The following TRAPPC12 variants were observed in gnomAD, a reference collection of about 807,000 sequenced individuals.
TRAPPC12 encodes the protein trafficking protein particle complex subunit 12, also known as TPR repeat protein 15.
TRAPPC12 carries 61 observed loss-of-function variants against 69.2 expected under a neutral mutation model. That is an observed-to-expected ratio of 0.88 (90% CI 0.72 to 1.09). The LOEUF (loss-of-function observed/expected upper bound fraction) is 1.09, where lower values mean the gene tolerates loss of function less well. Ranked by LOEUF, TRAPPC12 falls within the 50% of genes least tolerant of loss-of-function variation. TRAPPC12 has a pLI of 0.00. For missense variants in TRAPPC12, 1,101 were observed against 1,016.4 expected (o/e 1.08, Z -1.13); for synonymous variants, 469 against 438.9 (o/e 1.07, Z -0.86).
chr2:3,460,020 G>A, intron 7 of TRAPPC12: 1 of 604,422 alleles, frequency 1.7e-6, no homozygotes, highest in Non-Finnish European at 3.0e-6. Flanking sequence ...ATGCTGAGCA[G>A]CCACCCTCCT....
chr2:3,388,670 G>A lies in TRAPPC12; in HGVS notation c.1047G>A (p.Gln349=). ...TMPGLRFDNI[Q]GDAVKDLMLR... is the part of the protein sequence containing the mutation. ...CGGGCCTCAGGTTCGACAACATCCAGGTGAGCCCGGGTCTCCCACCTCCGC... is the reference window on the plus strand; with the variant it reads ...CGGGCCTCAGGTTCGACAACATCCAAGTGAGCCCGGGTCTCCCACCTCCGC... Residue 349 remains glutamine, a splice_region_variant and synonymous_variant, in exon 2 of 12, where the codon CAG becomes CAA. Coordinates refer to ENST00000324266, the MANE Select transcript of TRAPPC12 (RefSeq NM_016030.6). 6.5e-7 allele frequency: 1 copy of A among 1,539,698 alleles called. No individual in the cohort carries two copies.
intron 3 of TRAPPC12, among the ~76,000 whole-genome samples, chr2:3,420,358 CTAGG>C (rs1662707847): frequency 1.4e-5 from 2 of 139,136 alleles, no homozygotes; most frequent in South Asian, 4.3e-4. Flanking sequence ...TAGAGTTTCA[CTAGG>C]CACGCACACG....
chr2:3,457,984 C>T (rs935347689), intron 7 of TRAPPC12: 46 of 1,258,412 alleles, frequency 3.7e-5, no homozygotes, highest in East Asian at 1.8e-4. Flanking sequence ...TCTGAGTGGG[C>T]GCGAGGAAGG....
chr2:3,448,872 C>T (rs1249130848), intron 6 of TRAPPC12, among the ~76,000 whole-genome samples: 5 of 152,014 alleles, frequency 3.3e-5, no homozygotes, highest in Non-Finnish European at 7.4e-5. Flanking sequence ...AGGGGGCCGA[C>T]TTCCCCTGTG....
chr2:3,422,494 A>AG (rs1357023435), intron 4 of TRAPPC12, among the ~76,000 whole-genome samples: 1 of 152,276 alleles, frequency 6.6e-6, no homozygotes, highest in Non-Finnish European at 1.5e-5. Flanking sequence ...TCTGAGAAGA[A>AG]GGAACAGCTG....
At chr2:3,437,505 G>A (rs111214962) in intron 5 of TRAPPC12, among the ~76,000 whole-genome samples, 1 of 30,672 alleles carries the variant, frequency 3.3e-5, no homozygotes, top group Non-Finnish European at 6.5e-5. Context: ...ATCACCCCTG[G>A]ATTAATACCC....
chr2:3,407,238 C>G (rs1661780917), intron 3 of TRAPPC12, among the ~76,000 whole-genome samples: 1 of 152,066 alleles, frequency 6.6e-6, no homozygotes, highest in East Asian at 1.9e-4. Flanking sequence ...TATGTACATG[C>G]CATTAGTTAC....
intron 9 of TRAPPC12, among the ~76,000 whole-genome samples, chr2:3,471,022 T>C (rs1459029992): frequency 6.6e-6 from 1 of 152,182 alleles, no homozygotes; most frequent in African/African-American, 2.4e-5. Flanking sequence ...CTCTGAAATA[T>C]GCGAGCTAAA....
intron 3 of TRAPPC12, among the ~76,000 whole-genome samples, chr2:3,413,425 C>G (rs1290095722): frequency 6.6e-6 from 1 of 152,180 alleles, no homozygotes; most frequent in Non-Finnish European, 1.5e-5. Flanking sequence ...TCGGCCAGTT[C>G]CGTAGCACCA....
intron 2 of TRAPPC12, chr2:3,389,838 C>T (rs1234605692): frequency 1.1e-5 from 5 of 466,906 alleles, no homozygotes; most frequent in Non-Finnish European, 1.8e-5. Flanking sequence ...AGAGGGGAGG[C>T]GAGGGTGGTC....
chr2:3,431,441 T>A (rs187778706), intron 5 of TRAPPC12, among the ~76,000 whole-genome samples: 52 of 152,342 alleles, frequency 3.4e-4, no homozygotes, highest in African/African-American at 1.3e-3. Context: ...CTAAAAGTAT[T>A]TTTGTTTTTG....
At chr2:3,394,165 T>C (rs1322998031) in intron 2 of TRAPPC12, among the ~76,000 whole-genome samples, 6 of 152,144 alleles carry the variant, frequency 3.9e-5, no homozygotes, top group Non-Finnish European at 8.8e-5. Flanking sequence ...GCTGGAGAGC[T>C]CTGCAGTATT....
rs558778410 is a variant in TRAPPC12, at chr2:3,458,158, C to A, written c.1603+465C>A. 3.6e-5 allele frequency: 36 copies of A among 1,010,046 alleles called. No homozygotes were observed. In the South Asian group the frequency reaches 8.5e-4, roughly 24 times the overall value. 62.6% of individuals were successfully genotyped at this position (1,010,046 alleles called of 1,614,324 possible). A position where few individuals can be genotyped will look rare whatever the true frequency, so the allele number is the denominator to read the frequency against. ...CCTGGGGCAGGCTGAGGGACCTGGG[C>A]AGTTCCCTGGAGCATTGGAAACCCC... is the stretch of plus-strand genomic sequence containing the variant. On this transcript the variant is annotated intron_variant, in intron 7 of 11. Coordinates refer to ENST00000324266, the MANE Select transcript of TRAPPC12 (RefSeq NM_016030.6).
rs753417333 is a variant in TRAPPC12 at position 3,387,762 on chromosome 2, G to A, written c.139G>A (p.Glu47Lys). 2 of 1,612,798 alleles carry A rather than the reference G, an allele frequency of 1.2e-6. No homozygotes were observed. The highest frequency in any genetic ancestry group is 1.6e-4 in the Middle Eastern group (1 of 6,062). The stretch of plus-strand genomic sequence containing the variant: ...TGGCGGAGATGAGTTTGGATCCGAA[G>A]AGAACGAGACCGCATCGGAAGGCTC... Reference protein sequence around the residue: ...DLGGDEFGSEENETASEGSSP... With the variant: ...DLGGDEFGSEKNETASEGSSP... Residue 47 changes from glutamate to lysine, a missense_variant, in exon 2 of 12, where the codon GAG becomes AAG. Physicochemically the swap from Glu to Lys is moderately conservative, Grantham distance 56. Transcript: ENST00000324266.
chr2:3,389,792 G>A (rs1011496904), intron 2 of TRAPPC12: 3 of 435,916 alleles, frequency 6.9e-6, no homozygotes, highest in Non-Finnish European at 1.4e-5. Context: ...GAGGAGGGCG[G>A]ACGAGTTTTA....
chr2:3,474,690 G>A (rs535046176), intron 9 of TRAPPC12, among the ~76,000 whole-genome samples: 8 of 152,282 alleles, frequency 5.3e-5, no homozygotes, highest in Non-Finnish European at 1.0e-4. Context: ...CATCTCAAAA[G>A]GATATGGTGG....
intron 3 of TRAPPC12, among the ~76,000 whole-genome samples, chr2:3,402,130 CA>C (rs1312860775): frequency 6.6e-6 from 1 of 152,154 alleles, no homozygotes; most frequent in Non-Finnish European, 1.5e-5. Flanking sequence ...TTACTCAAAG[CA>C]GTGCATACTT....
At position 3,388,761 on chromosome 2, in the gene TRAPPC12, A is replaced by T. The variant is rs1327334894; in HGVS notation, c.1047+91A>T. On this transcript the variant is annotated intron_variant, in intron 2 of 11. Transcript: ENST00000324266. ...GCCCCTTTAGGGATGGAGAAGGAGA[A>T]GGCCTTGTTTTCAGTAATTCCTAAC... 6.2e-6 allele frequency: 8 copies of T among 1,284,048 alleles called. No individual in the cohort carries two copies. The East Asian group carries it at 2.1e-4, about 34-fold the overall frequency. 79.5% of individuals were successfully genotyped at this position (1,284,048 alleles called of 1,614,324 possible).
chr2:3,410,758 G>A lies in TRAPPC12; in HGVS notation c.1164+8865G>A, dbSNP rs137975090. Among the ~76,000 whole-genome samples the A allele has an allele frequency of 2.6e-5, 4 of 152,338 alleles. No homozygotes were observed. In the East Asian group the frequency reaches 5.8e-4, roughly 22 times the overall value. On this transcript the variant is annotated intron_variant, in intron 3 of 11. Transcript: ENST00000324266. Reference sequence around the variant, plus strand: ...ATAGATAACAAATTGAGGGCCAGGCGTGGTGGCTCATGCCTGTAATCCCAG... The same window carrying A: ...ATAGATAACAAATTGAGGGCCAGGCATGGTGGCTCATGCCTGTAATCCCAG...
Sources: gnomAD v4.1 joint callset for allele counts (sites outside exome capture counted in the v4.1 genomes callset) on GRCh38, gnomAD v4.1.1 for gene constraint, MANE v1.5 for transcripts, NCBI Gene and HGNC (gene_info 2026-07-23, HGNC 2026-07-21) for gene names.